SULT2B1: variants seen among roughly 807,000 people sequenced by gnomAD.
SULT2B1 encodes the protein sulfotransferase 2B1.
SULT2B1 carries 16 observed loss-of-function variants against 33.2 expected under a neutral mutation model. That is an observed-to-expected ratio of 0.48 (90% CI 0.33 to 0.73). The LOEUF (loss-of-function observed/expected upper bound fraction) is 0.73, where lower values mean the gene tolerates loss of function less well. Ranked by LOEUF, SULT2B1 falls within the 30% of genes least tolerant of loss-of-function variation. The pLI, the probability that SULT2B1 is intolerant of heterozygous loss-of-function variation, is 0.02. For missense variants in SULT2B1, 500 were observed against 506.0 expected, an observed-to-expected ratio of 0.99 and a Z score of 0.11; for synonymous variants, 186 against 200.5, an observed-to-expected ratio of 0.93 and a Z score of 0.61.
chr19:48,556,949 CA>C (rs57288472), intron 1 of SULT2B1, among the ~76,000 whole-genome samples: 57 of 144,102 alleles, frequency 4.0e-4, no homozygotes, highest in Admixed American at 5.6e-4. Flanking sequence ...GACTCTGTCT[CA>C]AAAAAAAAAA....
At chr19:48,581,782 C>G (rs1376465621) in intron 2 of SULT2B1, among the ~76,000 whole-genome samples, 3 of 150,988 alleles carry the variant, frequency 2.0e-5, no homozygotes, top group Non-Finnish European at 4.4e-5. Context: ...GATGTGAGTA[C>G]AGATCCTTGA....
chr19:48,562,807 G>A (rs1973198933), intron 1 of SULT2B1, among the ~76,000 whole-genome samples: 2 of 151,910 alleles, frequency 1.3e-5, no homozygotes, highest in African/African-American at 4.8e-5. Flanking sequence ...AGCCTCCCAA[G>A]TAGCTGGGAT....
rs535344763 is a variant in SULT2B1 at position 48,552,517 on chromosome 19, C to A, written c.71+194C>A. On this transcript the variant is annotated intron_variant, in intron 1 of 6. Coordinates refer to ENST00000201586, the MANE Select transcript of SULT2B1 (RefSeq NM_177973.2). This position sits in a 1 kb window ranked among gnomAD's most constrained non-coding sequence, Gnocchi z 4.8. ...GTCCCTCCTGAGAAGGGAGTGAGGA[C>A]CCGACCGTGTTGAGTCACCAGTGGG... is the stretch of plus-strand genomic sequence containing the variant. Among the ~76,000 whole-genome samples, 6 of 152,260 alleles carry A rather than the reference C, an allele frequency of 3.9e-5. No homozygotes were observed. In the East Asian group the frequency reaches 1.2e-3, roughly 29 times the overall value.
At chr19:48,587,499 G>C in intron 3 of SULT2B1, 62 bp downstream of exon 3, 1 of 1,563,916 alleles carries the variant, frequency 6.4e-7, no homozygotes, top group Non-Finnish European at 8.8e-7. Flanking sequence ...GTAATGGGGG[G>C]ACGGAGCATA....
At chr19:48,585,926 G>A (rs1001323520) in intron 2 of SULT2B1, among the ~76,000 whole-genome samples, 7 of 151,984 alleles carry the variant, frequency 4.6e-5, no homozygotes, top group African/African-American at 2.4e-5. Context: ...CTTTCTCCAT[G>A]TATTAAAGGA....
intron 5 of SULT2B1, among the ~76,000 whole-genome samples, chr19:48,593,772 T>C (rs58320971): frequency 6.7e-6 from 1 of 149,562 alleles, no homozygotes; most frequent in Non-Finnish European, 1.5e-5. Context: ...GCAGCTGGGA[T>C]TACAGGCATG....
Position 48,552,442 on chromosome 19 carries a change from A to G in SULT2B1, c.71+119A>G. On this transcript the variant is annotated intron_variant, in intron 1 of 6. Transcript: ENST00000201586. The surrounding 1 kb of genome is among the most constrained non-coding windows in gnomAD (Gnocchi z 4.8). The stretch of plus-strand genomic sequence containing the variant: ...ACCCGCAGCCGCAGGCCTGGCCCAG[A>G]CTTAGCTGGAGGGGCTGGGCTGGGC... 9.1e-7 allele frequency: 1 copy of G among 1,097,386 alleles called. No individual in the cohort carries two copies. The highest frequency in any genetic ancestry group is 1.3e-6 in the Non-Finnish European group (1 of 757,178). 68.0% of individuals were successfully genotyped at this position (1,097,386 alleles called of 1,614,324 possible).
chr19:48,586,841 T>G (rs1423425820), intron 2 of SULT2B1, among the ~76,000 whole-genome samples: 1 of 152,216 alleles, frequency 6.6e-6, no homozygotes, highest in Non-Finnish European at 1.5e-5. Context: ...CAGGGCGTGG[T>G]GGCTCACAGC....
chr19:48,576,640 CT>C (rs71335805), intron 2 of SULT2B1, among the ~76,000 whole-genome samples: 1,609 of 116,346 alleles, frequency 0.014, 20 homozygotes, highest in African/African-American at 0.051. Context: ...AAATTGTATA[CT>C]TTTTTTTTTT....
chr19:48,565,755 T>TTTTG (rs144277267), intron 1 of SULT2B1, among the ~76,000 whole-genome samples: 42 of 151,730 alleles, frequency 2.8e-4, no homozygotes, highest in African/African-American at 8.4e-4. Flanking sequence ...TGTGCTAGTT[T>TTTTG]TTTGTTTGTT....
chr19:48,592,689 C>T lies in SULT2B1; in HGVS notation c.551-33C>T. 3 of 1,551,856 alleles carry T rather than the reference C, an allele frequency of 1.9e-6. No individual in the cohort carries two copies. In the East Asian group the frequency reaches 7.1e-5, roughly 37 times the overall value. ...GTGGGGCTGGGGGAACCCCGCCACT[C>T]AGCCCTCACCCCACTTGTCCCTCTG... is the stretch of plus-strand genomic sequence containing the variant. On this transcript the variant is annotated intron_variant, in intron 4 of 6. Coordinates refer to ENST00000201586, the MANE Select transcript of SULT2B1 (RefSeq NM_177973.2).
At chr19:48,564,090 C>T (rs1017614267) in intron 1 of SULT2B1, among the ~76,000 whole-genome samples, 3 of 151,344 alleles carry the variant, frequency 2.0e-5, no homozygotes, top group Non-Finnish European at 4.4e-5. Context: ...AAAATACACA[C>T]AAAAAATGAG....
At chr19:48,598,196 G>A (rs1198979311) in intron 6 of SULT2B1, among the ~76,000 whole-genome samples, 1 of 152,154 alleles carries the variant, frequency 6.6e-6, no homozygotes, top group Non-Finnish European at 1.5e-5. Context: ...GTAACATGGG[G>A]CACGTGCACT....
Position 48,552,256 on chromosome 19 carries a change from G to T in SULT2B1, c.4G>T (p.Asp2Tyr). 6.2e-7 allele frequency: 1 copy of T among 1,613,776 alleles called. No individual in the cohort carries two copies. Among genetic ancestry groups the T allele is most frequent in the African/African-American group, 1.3e-5 (1 of 75,052 alleles). The change falls in exon 1 of 7, where the codon GAC (aspartate) becomes TAC (tyrosine). Residue 2 changes from aspartate to tyrosine, a missense_variant. By Grantham distance (160) the Asp-to-Tyr change is radical (BLOSUM62 -3). Coordinates refer to ENST00000201586, the MANE Select transcript of SULT2B1 (RefSeq NM_177973.2). The surrounding 1 kb of genome is among the most constrained non-coding windows in gnomAD (Gnocchi z 4.8). Reference sequence around the variant, plus strand: ...TCCCCACCCTCACCCACCTGCCATGGACGGGCCCGCCGAGCCCCAGATCCC... The same window carrying T: ...TCCCCACCCTCACCCACCTGCCATGTACGGGCCCGCCGAGCCCCAGATCCC... M[D>Y]GPAEPQIPGL...
intron 2 of SULT2B1, among the ~76,000 whole-genome samples, chr19:48,583,602 G>A (rs1381276318): frequency 6.6e-6 from 1 of 152,308 alleles, no homozygotes; most frequent in African/African-American, 2.4e-5. Flanking sequence ...CGGATCACCT[G>A]AGGTCAGGAG....
At chr19:48,585,424 T>C (rs1365037996) in intron 2 of SULT2B1, among the ~76,000 whole-genome samples, 1 of 151,908 alleles carries the variant, frequency 6.6e-6, no homozygotes, top group Non-Finnish European at 1.5e-5. Flanking sequence ...TCCCAGCACT[T>C]TGGGAGGCTG....
At chr19:48,588,621 G>A (rs10425879) in intron 3 of SULT2B1, among the ~76,000 whole-genome samples, 149,121 of 150,194 alleles carry the variant, frequency 0.99, 74,033 homozygotes, top group Middle Eastern at 1. Context: ...ATAACATAAT[G>A]CAATATAATA....
intron 1 of SULT2B1, among the ~76,000 whole-genome samples, chr19:48,561,377 C>T (rs1328209224): frequency 2.0e-5 from 3 of 148,078 alleles, no homozygotes; most frequent in Non-Finnish European, 4.5e-5. Context: ...TGCAGTGAGC[C>T]GAGATCGTGC....
chr19:48,596,469 C>CG, intron 5 of SULT2B1: 1 of 243,492 alleles, frequency 4.1e-6, no homozygotes. Context: ...TGACCTCTGC[C>CG]CCCTGCTGTG....
Sources: allele counts gnomAD v4.1 joint callset (sites outside exome capture counted in the v4.1 genomes callset), GRCh38; gene constraint gnomAD v4.1.1; non-coding constraint Gnocchi (gnomAD v3.1); transcripts MANE v1.5; gene names NCBI Gene and HGNC (gene_info 2026-07-23, HGNC 2026-07-21).